The following SYT14 variants were observed in gnomAD, a reference collection of about 807,000 sequenced individuals.
The protein encoded by SYT14 is synaptotagmin 14, also known as synaptotagmin-14.
Under a neutral mutation model 74.2 loss-of-function variants are expected in SYT14, and 32 were observed. The observed-to-expected ratio is 0.43, with a 90% CI of 0.33 to 0.58. SYT14 has a LOEUF of 0.58. Ranked by LOEUF, SYT14 falls within the 20% of genes least tolerant of loss-of-function variation. The pLI, the probability that SYT14 is intolerant of heterozygous loss-of-function variation, is 0.05. For missense variants in SYT14, 791 were observed against 981.8 expected, an observed-to-expected ratio of 0.81 and a Z score of 2.60; for synonymous variants, 298 against 337.7, an observed-to-expected ratio of 0.88 and a Z score of 1.29.
At chr1:210,089,838 A>C (rs1286147911) in intron 5 of SYT14, among the ~76,000 whole-genome samples, 4 of 152,254 alleles carry the variant, frequency 2.6e-5, no homozygotes, top group Non-Finnish European at 5.9e-5. Context: ...GAACGCATAG[A>C]TTTATGCTAG....
chr1:210,125,408 T>C lies in SYT14; in HGVS notation c.2034+24947T>C, dbSNP rs74908713. ...ATGATTTCATTCTTTTTTAGGGCTA[T>C]GGTATTCCATGGTGTATAGTAGCTA... On this transcript the variant is annotated intron_variant, in intron 7 of 9. Transcript: ENST00000637265. Among the ~76,000 whole-genome samples, 35 of 152,340 alleles carry C rather than the reference T, an allele frequency of 2.3e-4. 1 individual carries two copies. In the East Asian group the frequency reaches 6.8e-3, roughly 29 times the overall value.
chr1:210,115,445 A>C (rs1194855089), intron 7 of SYT14, among the ~76,000 whole-genome samples: 1 of 151,444 alleles, frequency 6.6e-6, no homozygotes, highest in African/African-American at 2.5e-5. Context: ...GACACCTCTG[A>C]AACATGGGTG....
chr1:210,010,869 G>C (rs1368586628), intron 2 of SYT14, among the ~76,000 whole-genome samples: 1 of 152,148 alleles, frequency 6.6e-6, no homozygotes, highest in African/African-American at 2.4e-5. Context: ...ATATCTCTTT[G>C]TCTCAATTTA....
intron 7 of SYT14, among the ~76,000 whole-genome samples, chr1:210,113,135 C>T (rs2102586678): frequency 6.6e-6 from 1 of 151,402 alleles, no homozygotes. Flanking sequence ...GGTCCCGGCT[C>T]TTGTGTAAGA....
At chr1:209,974,932 C>T (rs923177654) in intron 2 of SYT14, among the ~76,000 whole-genome samples, 4 of 152,104 alleles carry the variant, frequency 2.6e-5, no homozygotes, top group Admixed American at 2.6e-4. Flanking sequence ...CTTCATGTCC[C>T]TTGTAAGTTG....
intron 5 of SYT14, among the ~76,000 whole-genome samples, chr1:210,037,570 A>G (rs564042113): frequency 6.7e-6 from 1 of 150,254 alleles, no homozygotes; most frequent in South Asian, 2.1e-4. Context: ...ATATAGGTAC[A>G]TAGTGCTATA....
chr1:209,990,149 A>G lies in SYT14; in HGVS notation c.-485-23484A>G, dbSNP rs114565429. ...TTATAGAACCTCAGCTTTATTGTAA[A>G]CAGAATTCATTTTCCCTCCACCTTT... On this transcript the variant is annotated intron_variant, in intron 2 of 9. Transcript: ENST00000637265. Among the ~76,000 whole-genome samples, 1,192 of 152,244 alleles carry G rather than the reference A, an allele frequency of 7.8e-3. 21 individuals carry two copies. Among genetic ancestry groups the G allele is most frequent in the African/African-American group, 0.027 (1,138 of 41,556 alleles).
intron 7 of SYT14, among the ~76,000 whole-genome samples, chr1:210,150,088 G>T (rs968718832): frequency 2.6e-5 from 4 of 152,160 alleles, no homozygotes; most frequent in African/African-American, 9.7e-5. Flanking sequence ...GCTCTAAGCA[G>T]CAAGTTCCAG....
chr1:210,043,174 T>C (rs1299191780), intron 5 of SYT14, among the ~76,000 whole-genome samples: 2 of 152,182 alleles, frequency 1.3e-5, no homozygotes, highest in Non-Finnish European at 2.9e-5. Context: ...GTAGAACCTT[T>C]TTCAATTCAT....
intron 2 of SYT14, among the ~76,000 whole-genome samples, chr1:209,956,306 G>C (rs2078991536): frequency 6.6e-6 from 1 of 152,194 alleles, no homozygotes; most frequent in Admixed American, 6.5e-5. Flanking sequence ...AAACAGGATA[G>C]AGGTTTTTTT....
chr1:210,163,668 A>G, exon 10 of SYT14: 1 of 453,716 alleles, frequency 2.2e-6, no homozygotes, highest in Non-Finnish European at 4.4e-6. Flanking sequence ...CAAAATATAC[A>G]TTTGTTTCTG....
intron 1 of SYT14, among the ~76,000 whole-genome samples, chr1:209,945,223 T>G (rs577788552): frequency 1.3e-5 from 2 of 152,270 alleles, no homozygotes; most frequent in African/African-American, 4.8e-5. Context: ...ATAAATTACT[T>G]TAGCTATTAT....
chr1:209,995,041 A>G (rs1188864779), intron 2 of SYT14, among the ~76,000 whole-genome samples: 1 of 152,192 alleles, frequency 6.6e-6, no homozygotes, highest in Non-Finnish European at 1.5e-5. Flanking sequence ...ACAAAAACAC[A>G]CTTAAGTACG....
intron 5 of SYT14, among the ~76,000 whole-genome samples, chr1:210,041,434 T>C (rs928394766): frequency 3.3e-5 from 5 of 151,972 alleles, no homozygotes; most frequent in African/African-American, 9.7e-5. Context: ...ATTTGATTAT[T>C]AGTTAAATAG....
intron 6 of SYT14, among the ~76,000 whole-genome samples, chr1:210,098,316 CT>C: frequency 6.6e-6 from 1 of 152,286 alleles, no homozygotes; most frequent in South Asian, 2.1e-4. Flanking sequence ...AAAAAGACCC[CT>C]AGCCCCCACC....
chr1:210,065,209 C>T (rs938714975), intron 5 of SYT14, among the ~76,000 whole-genome samples: 7 of 151,952 alleles, frequency 4.6e-5, no homozygotes, highest in East Asian at 1.9e-4. Flanking sequence ...GCTATGGTTT[C>T]GCTTTGTCCC....
intron 5 of SYT14, among the ~76,000 whole-genome samples, chr1:210,049,705 A>G (rs1270023574): frequency 6.6e-6 from 1 of 152,098 alleles, no homozygotes; most frequent in East Asian, 1.9e-4. Context: ...GTTCCTGCCC[A>G]AACACCAGTT....
chr1:209,952,742 T>G (rs764547270), exon 2 of SYT14: 1 of 1,610,652 alleles, frequency 6.2e-7, no homozygotes, highest in South Asian at 1.1e-5. Flanking sequence ...CATGAACTTA[T>G]CTGTATTAGA....
chr1:209,986,635 G>A (rs528469471), intron 2 of SYT14, among the ~76,000 whole-genome samples: 30 of 151,738 alleles, frequency 2.0e-4, no homozygotes, highest in African/African-American at 6.5e-4. Context: ...AATTTCTTCC[G>A]CCAGATACCT....
Sources: gnomAD v4.1 joint callset for allele counts (sites outside exome capture counted in the v4.1 genomes callset) on GRCh38, gnomAD v4.1.1 for gene constraint, MANE v1.5 for transcripts, NCBI Gene and HGNC (gene_info 2026-07-23, HGNC 2026-07-21) for gene names.